Variants in RBFOX3 observed in about 807,000 individuals in gnomAD.
RBFOX3 encodes the protein RNA binding protein fox-1 homolog 3.
A neutral mutation model predicts 48.7 loss-of-function variants in RBFOX3; 17 were observed. That is an observed-to-expected ratio of 0.35 (90% CI 0.24 to 0.52). The LOEUF (loss-of-function observed/expected upper bound fraction) is 0.52, where lower values mean the gene tolerates loss of function less well. Among genes scored for constraint, RBFOX3 ranks in the 20% least tolerant of loss-of-function variants. The pLI, the probability that RBFOX3 is intolerant of heterozygous loss-of-function variation, is 0.94. For missense variants in RBFOX3, 382 were observed against 497.5 expected, an observed-to-expected ratio of 0.77 and a Z score of 2.21; for synonymous variants, 212 against 209.5, an observed-to-expected ratio of 1.01 and a Z score of -0.10.
intron 4 of RBFOX3, among the ~76,000 whole-genome samples, chr17:79,121,419 AAAACTTCCC>A (rs1246766008): frequency 6.6e-6 from 1 of 152,170 alleles, no homozygotes; most frequent in Non-Finnish European, 1.5e-5. Flanking sequence ...CCCTTAGAGC[AAAACTTCCC>A]AAATGAGTTG....
rs923550597 is a variant in RBFOX3, at chr17:79,364,578, C to T, written c.-174-56754G>A. ...GTGCAGCTCTGGGGATGAAAAGATG[C>T]GTAAGACAAAGGGGCCAGGGGTTGA... On this transcript the variant is annotated intron_variant, in intron 2 of 14. Coordinates refer to ENST00000693108, the MANE Select transcript of RBFOX3 (RefSeq NM_001350451.2). This position sits in a 1 kb window ranked among gnomAD's most constrained non-coding sequence, Gnocchi z 5.1. Among the ~76,000 whole-genome samples, 2 of 152,124 alleles carry T rather than the reference C, an allele frequency of 1.3e-5. No individual in the cohort carries two copies. The highest frequency in any genetic ancestry group is 2.4e-5 in the African/African-American group (1 of 41,426).
chr17:79,588,760 G>A (rs1250453565), intron 1 of RBFOX3, among the ~76,000 whole-genome samples: 3 of 145,744 alleles, frequency 2.1e-5, no homozygotes, highest in Admixed American at 7.4e-5. Flanking sequence ...GCCATATAGC[G>A]AGATCCCGTC....
chr17:79,649,063 C>G, the RBFOX3 span, among the ~76,000 whole-genome samples: 5 of 151,162 alleles, frequency 3.3e-5, no homozygotes, highest in African/African-American at 1.2e-4. Context: ...ACTGCAGCCT[C>G]CACTTTATGG....
the RBFOX3 span, among the ~76,000 whole-genome samples, chr17:79,660,612 T>A: frequency 6.6e-6 from 1 of 152,132 alleles, no homozygotes; most frequent in Admixed American, 6.5e-5. Context: ...CTCACACCAG[T>A]CAGAATGGCA....
intron 1 of RBFOX3, among the ~76,000 whole-genome samples, chr17:79,519,048 C>T (rs1331268952): frequency 6.6e-6 from 1 of 152,182 alleles, no homozygotes; most frequent in Non-Finnish European, 1.5e-5. Flanking sequence ...AAGCCCGGGG[C>T]TGGCAGCTCC....
intron 4 of RBFOX3, among the ~76,000 whole-genome samples, chr17:79,176,631 T>G (rs756719169): frequency 3.3e-5 from 5 of 152,202 alleles, no homozygotes; most frequent in South Asian, 2.1e-4. Context: ...AAGCCAAGTC[T>G]GCCTGGTGGA....
intron 1 of RBFOX3, among the ~76,000 whole-genome samples, chr17:79,532,201 G>T (rs908366002): frequency 3.3e-5 from 5 of 152,152 alleles, no homozygotes; most frequent in East Asian, 1.9e-4. Flanking sequence ...TGCACTGGAG[G>T]GGGGAGGGGA....
rs1167103679 is a variant in RBFOX3, at chr17:79,115,654, T to C, written c.62A>G (p.Glu21Gly). 1 of 1,113,682 alleles carries C rather than the reference T, an allele frequency of 9.0e-7. No homozygotes were observed. The highest frequency in any genetic ancestry group is 1.1e-6 in the Non-Finnish European group (1 of 885,946). The allele number at this position is 1,113,682 out of a possible 1,614,324, so 69.0% of individuals were successfully genotyped here. Residue 21 changes from glutamate (E) to glycine (G), a missense_variant, in exon 5 of 15, where the codon GAG (glutamate) becomes GGG (glycine). Around this residue, in one of 3 missense-constraint regions of RBFOX3, gnomAD observed 118 missense variants for 132.1 expected, o/e 0.89. Transcript: ENST00000693108. ...GGGGTGCGGTGGGGGCGGGGCGTAC[T>C]CGGCAGGGATGCCGTTCTGTGGCGG... ...PPPPQNGIPA[E>G]YAPPPPHPTQ... is the part of the protein sequence containing the mutation.
At chr17:79,654,761 A>G in the RBFOX3 span, among the ~76,000 whole-genome samples, 1 of 152,222 alleles carries the variant, frequency 6.6e-6, no homozygotes, top group South Asian at 2.1e-4. Flanking sequence ...CATTTGGAAC[A>G]TCTGGGAATT....
At chr17:79,161,399 G>A (rs897549346) in intron 4 of RBFOX3, among the ~76,000 whole-genome samples, 3 of 152,306 alleles carry the variant, frequency 2.0e-5, no homozygotes, top group Non-Finnish European at 4.4e-5. Context: ...CACACACCCC[G>A]ATCCCATCAC....
chr17:79,601,091 C>T (rs2093695171), intron 1 of RBFOX3: 1 of 152,300 alleles, frequency 6.6e-6, no homozygotes, highest in African/African-American at 2.4e-5. Context: ...ATGCCTCAGC[C>T]CGACTGCAGC....
chr17:79,140,328 C>T (rs763721912), intron 4 of RBFOX3, among the ~76,000 whole-genome samples: 4 of 152,270 alleles, frequency 2.6e-5, no homozygotes, highest in Non-Finnish European at 4.4e-5. Flanking sequence ...ACTCTGAGCC[C>T]CATTTCTGTA....
At chr17:79,635,621 T>A in the RBFOX3 span, among the ~76,000 whole-genome samples, 14 of 151,844 alleles carry the variant, frequency 9.2e-5, no homozygotes, top group Non-Finnish European at 4.4e-5. Flanking sequence ...ACAACTTCTG[T>A]ACTGGAAAAA....
chr17:79,573,722 C>CGGAACA (rs2092762366), intron 1 of RBFOX3, among the ~76,000 whole-genome samples: 1 of 152,162 alleles, frequency 6.6e-6, no homozygotes, highest in African/African-American at 2.4e-5. Flanking sequence ...TGCCATCTTC[C>CGGAACA]TCTGGAATGT....
chr17:79,455,803 C>A (rs1349081253), intron 2 of RBFOX3, among the ~76,000 whole-genome samples: 2 of 152,214 alleles, frequency 1.3e-5, no homozygotes, highest in African/African-American at 4.8e-5. Context: ...CACACACAGC[C>A]CCATGCTCCA....
At chr17:79,485,740 G>T (rs35807761) in intron 1 of RBFOX3, among the ~76,000 whole-genome samples, 44,173 of 152,206 alleles carry the variant, frequency 0.29, 7,919 homozygotes, top group Non-Finnish European at 0.4. Flanking sequence ...CGCCGAGTCC[G>T]GAGGGCAGGG....
At chr17:79,319,489 G>A (rs111700813) in intron 2 of RBFOX3, among the ~76,000 whole-genome samples, 37 of 152,140 alleles carry the variant, frequency 2.4e-4, no homozygotes, top group African/African-American at 8.9e-4. Flanking sequence ...TCCAAGAGCA[G>A]CCTGGGCAGA....
chr17:79,325,388 C>T (rs1387272835), intron 2 of RBFOX3, among the ~76,000 whole-genome samples: 2 of 152,228 alleles, frequency 1.3e-5, no homozygotes, highest in East Asian at 3.9e-4. Flanking sequence ...AGAGCTATGG[C>T]ATCAGAGGGA....
At chr17:79,336,129 G>A (rs973494562) in intron 2 of RBFOX3, among the ~76,000 whole-genome samples, 2 of 152,170 alleles carry the variant, frequency 1.3e-5, no homozygotes, top group Non-Finnish European at 2.9e-5. Flanking sequence ...GCTCTCGCCT[G>A]TAATCCCAGC....
Sources: gnomAD v4.1 joint callset for allele counts (sites outside exome capture counted in the v4.1 genomes callset) on GRCh38, gnomAD v4.1.1 for gene constraint, gnomAD v4.1.1 regional missense constraint, Gnocchi (gnomAD v3.1) non-coding constraint, MANE v1.5 for transcripts, NCBI Gene and HGNC (gene_info 2026-07-23, HGNC 2026-07-21) for gene names.